CNTN1: variants seen among roughly 807,000 people sequenced by gnomAD.
The protein encoded by CNTN1 is contactin-1.
Under a neutral mutation model 126.4 loss-of-function variants are expected in CNTN1, and 38 were observed. That is an observed-to-expected ratio of 0.30 (90% CI 0.23 to 0.39). The LOEUF (loss-of-function observed/expected upper bound fraction) is 0.39, where lower values mean the gene tolerates loss of function less well. Ranked by LOEUF, CNTN1 falls within the 10% of genes least tolerant of loss-of-function variation. CNTN1 has a pLI of 1.00. For missense variants in CNTN1, 1,009 were observed against 1,248.4 expected (o/e 0.81, Z 2.89); for synonymous variants, 413 against 422.6 (o/e 0.98, Z 0.28).
intron 1 of CNTN1, among the ~76,000 whole-genome samples, chr12:40,888,615 C>CA (rs1944137100): frequency 6.7e-6 from 1 of 148,920 alleles, no homozygotes; most frequent in Non-Finnish European, 1.5e-5. Flanking sequence ...TTAACAACAA[C>CA]AACAAAAAAA....
intron 1 of CNTN1, among the ~76,000 whole-genome samples, chr12:40,819,974 G>A (rs541881080): frequency 1.3e-5 from 2 of 152,146 alleles, no homozygotes; most frequent in Non-Finnish European, 2.9e-5. Flanking sequence ...TCTTCTCTCC[G>A]TGGGTCATGC....
Position 40,943,652 on chromosome 12 carries a change from G to A in CNTN1, c.1435G>A (p.Gly479Arg), listed in dbSNP as rs770902891. The change falls in exon 13 of 24, where the codon GGA becomes AGA. Residue 479 changes from glycine to arginine, a missense_variant. Transcript: ENST00000551295. Reference sequence around the variant, plus strand: ...AATCAACAACATTACAAGGAATGATGGAGGTATCTATACATGCTTTGCAGA... The same window carrying A: ...AATCAACAACATTACAAGGAATGATAGAGGTATCTATACATGCTTTGCAGA... ...LEINNITRND[G>R]GIYTCFAENN... The A allele has an allele frequency of 5.6e-6, 9 of 1,605,360 alleles. No individual in the cohort carries two copies. The Admixed American group carries it at 6.7e-5, about 12-fold the overall frequency.
At chr12:40,720,461 C>G (rs959670133) in intron 1 of CNTN1, among the ~76,000 whole-genome samples, 7 of 151,726 alleles carry the variant, frequency 4.6e-5, no homozygotes, top group Admixed American at 6.6e-5. Flanking sequence ...GCAGTACAAC[C>G]AGTGAATTAA....
chr12:40,750,257 A>G (rs930823667), intron 1 of CNTN1, among the ~76,000 whole-genome samples: 1 of 152,104 alleles, frequency 6.6e-6, no homozygotes, highest in African/African-American at 2.4e-5. Context: ...TGATGAGTTC[A>G]TCTACTAGAG....
intron 14 of CNTN1, among the ~76,000 whole-genome samples, chr12:40,950,675 C>T (rs1035382446): frequency 1.3e-5 from 2 of 152,050 alleles, no homozygotes; most frequent in Non-Finnish European, 2.9e-5. Flanking sequence ...TTTCTGATCC[C>T]CTTTTTACTA....
At chr12:40,891,832 C>T (rs916108734) in intron 1 of CNTN1, among the ~76,000 whole-genome samples, 15 of 152,080 alleles carry the variant, frequency 9.9e-5, no homozygotes, top group Admixed American at 1.3e-4. Flanking sequence ...GGACAGTGTC[C>T]GTCCTCCAGC....
At position 41,033,714 on chromosome 12, in the gene CNTN1, C is replaced by A. The variant is rs142837411; in HGVS notation, c.2980+4495C>A. ...GACTAAGATATAAGGAGATGAAGTA[C>A]CAGGTTATTGCCATAGAATGATTAA... On this transcript the variant is annotated intron_variant, in intron 23 of 23. Transcript: ENST00000551295. Among the ~76,000 whole-genome samples, 1,216 of 151,892 alleles carry A rather than the reference C, an allele frequency of 8.0e-3. 14 individuals are homozygous for A. The highest frequency in any genetic ancestry group is 0.013 in the Non-Finnish European group (882 of 67,930).
chr12:40,954,630 A>G (rs2136991398), intron 14 of CNTN1, among the ~76,000 whole-genome samples: 1 of 152,278 alleles, frequency 6.6e-6, no homozygotes, highest in East Asian at 1.9e-4. Context: ...TGCAAGTTCA[A>G]GGGGTTGCAA....
chr12:40,980,134 G>A (rs755622020), intron 15 of CNTN1, among the ~76,000 whole-genome samples: 2 of 152,094 alleles, frequency 1.3e-5, no homozygotes, highest in Non-Finnish European at 2.9e-5. Context: ...AACATTTAGA[G>A]TTATAAGAAA....
At chr12:41,008,438 C>G (rs916421608) in intron 17 of CNTN1, among the ~76,000 whole-genome samples, 1 of 152,052 alleles carries the variant, frequency 6.6e-6, no homozygotes, top group South Asian at 2.1e-4. Flanking sequence ...CATATATACC[C>G]CCGTTGCTTT....
chr12:40,980,028 ATTC>A (rs1305444893), intron 15 of CNTN1, among the ~76,000 whole-genome samples: 1 of 152,174 alleles, frequency 6.6e-6, no homozygotes, highest in Non-Finnish European at 1.5e-5. Flanking sequence ...AATATTACTT[ATTC>A]TTATGACTAT....
At chr12:40,957,288 GAAGT>G (rs1490478263) in intron 14 of CNTN1, among the ~76,000 whole-genome samples, 1 of 151,884 alleles carries the variant, frequency 6.6e-6, no homozygotes, top group Non-Finnish European at 1.5e-5. Context: ...AAAGAAGAGA[GAAGT>G]AAGAGATTGG....
chr12:40,759,252 G>T (rs1428924619), intron 1 of CNTN1, among the ~76,000 whole-genome samples: 1 of 151,948 alleles, frequency 6.6e-6, no homozygotes, highest in African/African-American at 2.4e-5. Context: ...TCCCAATAAG[G>T]TTTGTTTATA....
At chr12:40,777,527 A>G (rs550869938) in intron 1 of CNTN1, among the ~76,000 whole-genome samples, 1 of 151,916 alleles carries the variant, frequency 6.6e-6, no homozygotes, top group South Asian at 2.1e-4. Flanking sequence ...CACATATGGC[A>G]TATTGCAGTG....
At chr12:40,941,295 G>A (rs895723474) in intron 12 of CNTN1, among the ~76,000 whole-genome samples, 2 of 151,928 alleles carry the variant, frequency 1.3e-5, no homozygotes, top group African/African-American at 4.8e-5. Flanking sequence ...GTATTCATAT[G>A]CAAATATATT....
intron 12 of CNTN1, among the ~76,000 whole-genome samples, chr12:40,942,741 C>A (rs974841813): frequency 4.6e-5 from 7 of 152,110 alleles, no homozygotes; most frequent in African/African-American, 1.7e-4. Flanking sequence ...ACAAAAAGTA[C>A]TCTGAAATGA....
intron 1 of CNTN1, among the ~76,000 whole-genome samples, chr12:40,816,671 C>A (rs1235779766): frequency 1.3e-5 from 2 of 151,388 alleles, no homozygotes; most frequent in Non-Finnish European, 2.9e-5. Context: ...TTATTTATTT[C>A]TTGTCTTCTG....
intron 18 of CNTN1, 60 bp from the exon 19 acceptor site, chr12:41,016,622 G>A: frequency 9.5e-7 from 1 of 1,057,972 alleles, no homozygotes; most frequent in Non-Finnish European, 1.5e-6. Context: ...TATCCCCATA[G>A]CATTTCCTCC....
chr12:40,738,648 A>G (rs1201595660), intron 1 of CNTN1, among the ~76,000 whole-genome samples: 1 of 152,058 alleles, frequency 6.6e-6, no homozygotes, highest in African/African-American at 2.4e-5. Context: ...GAGATAAATG[A>G]CCCGTTAATA....
Sources: allele counts gnomAD v4.1 joint callset (sites outside exome capture counted in the v4.1 genomes callset), GRCh38; gene constraint gnomAD v4.1.1; transcripts MANE v1.5; gene names NCBI Gene and HGNC (gene_info 2026-07-23, HGNC 2026-07-21).